PARD3: variants seen among roughly 807,000 people sequenced by gnomAD.
The protein encoded by PARD3 is par-3 family cell polarity regulator, also known as partitioning defective 3 homolog.
Under a neutral mutation model 155.4 loss-of-function variants are expected in PARD3, and 75 were observed. The observed-to-expected ratio is 0.48, with a 90% confidence interval of 0.40 to 0.58. PARD3 has a LOEUF of 0.58. Ranked by LOEUF, PARD3 falls within the 20% of genes least tolerant of loss-of-function variation. The probability of loss-of-function intolerance (pLI) is 0.00; values close to 1 mark genes in which losing one functional copy is unlikely to be tolerated. For synonymous variants in PARD3, 576 were observed against 610.5 expected, an observed-to-expected ratio of 0.94 and a Z score of 0.83; for missense variants, 1,642 against 1,721.7, an observed-to-expected ratio of 0.95 and a Z score of 0.82.
intron 1 of PARD3, among the ~76,000 whole-genome samples, chr10:34,698,473 G>C (rs1361448541): frequency 6.6e-6 from 1 of 152,126 alleles, no homozygotes; most frequent in Non-Finnish European, 1.5e-5. Flanking sequence ...GACTTCTCAG[G>C]CATCCTCTTC....
intron 2 of PARD3, among the ~76,000 whole-genome samples, chr10:34,665,569 G>T (rs1055773140): frequency 6.6e-6 from 1 of 151,584 alleles, no homozygotes; most frequent in Non-Finnish European, 1.5e-5. Flanking sequence ...GGCCTGGCAC[G>T]GTGCTCACAC....
chr10:34,786,865 T>A (rs12763418), intron 1 of PARD3, among the ~76,000 whole-genome samples: 1 of 152,028 alleles, frequency 6.6e-6, no homozygotes, highest in Non-Finnish European at 1.5e-5. Context: ...AAAAATGGCA[T>A]GCAGAGTTCA....
chr10:34,410,920 G>A (rs1205829718), intron 5 of PARD3, among the ~76,000 whole-genome samples: 1 of 152,180 alleles, frequency 6.6e-6, no homozygotes, highest in Non-Finnish European at 1.5e-5. Context: ...ATCCATCTGG[G>A]CCCAAGGGCA....
chr10:34,166,542 T>C (rs1272511458), intron 22 of PARD3, among the ~76,000 whole-genome samples: 1 of 151,862 alleles, frequency 6.6e-6, no homozygotes, highest in Non-Finnish European at 1.5e-5. Context: ...GCAGGCGGAA[T>C]TGCTTGAGTC....
intron 2 of PARD3, among the ~76,000 whole-genome samples, chr10:34,597,043 C>T (rs1369661306): frequency 1.3e-5 from 2 of 152,080 alleles, no homozygotes. Context: ...GTTCTAGGCT[C>T]CTATCAGAAT....
At chr10:34,765,869 T>C (rs1394939241) in intron 1 of PARD3, among the ~76,000 whole-genome samples, 1 of 152,156 alleles carries the variant, frequency 6.6e-6, no homozygotes, top group Non-Finnish European at 1.5e-5. Flanking sequence ...GTGATCCTCA[T>C]TCAATCCTAA....
chr10:34,807,506 C>T (rs528752556), intron 1 of PARD3, among the ~76,000 whole-genome samples: 68 of 152,314 alleles, frequency 4.5e-4, no homozygotes, highest in African/African-American at 1.5e-3. Context: ...CATACCCATT[C>T]ACAGTCTCCA....
intron 5 of PARD3, among the ~76,000 whole-genome samples, chr10:34,429,269 A>G (rs2132512591): frequency 6.6e-6 from 1 of 152,178 alleles, no homozygotes; most frequent in South Asian, 2.1e-4. Flanking sequence ...TTGTATATAT[A>G]TATTATATAG....
chr10:34,792,001 T>C (rs1277543166), intron 1 of PARD3, among the ~76,000 whole-genome samples: 1 of 151,862 alleles, frequency 6.6e-6, no homozygotes, highest in Non-Finnish European at 1.5e-5. Flanking sequence ...CACTCCAATC[T>C]CTCCTGAGCC....
In PARD3 at chr10:34,738,113, T is replaced by G. The variant is rs893492774; in HGVS notation, c.121-41694A>C. 2.6e-5 allele frequency among the ~76,000 whole-genome samples: 4 copies of G among 152,208 alleles called. 1 individual carries two copies. The South Asian group carries it at 8.3e-4, about 32-fold the overall frequency. On this transcript the variant is annotated intron_variant, in intron 1 of 24. Transcript: ENST00000374788. ...ATTCTTTCTCTGTCTTTAAAGCCAA[T>G]TTTAACCTACGAAGAAATACAACCT...
intron 22 of PARD3, among the ~76,000 whole-genome samples, chr10:34,145,665 T>A (rs2132911910): frequency 6.6e-6 from 1 of 152,280 alleles, no homozygotes; most frequent in Middle Eastern, 3.4e-3. Context: ...GGTTTTAACA[T>A]CATTTCTATT....
At chr10:34,204,307 G>C (rs1951360301) in intron 22 of PARD3, among the ~76,000 whole-genome samples, 2 of 152,196 alleles carry the variant, frequency 1.3e-5, no homozygotes, top group Non-Finnish European at 2.9e-5. Context: ...TTACATAAAG[G>C]AAAGAGAGTC....
At chr10:34,433,047 G>A (rs1382589308) in intron 5 of PARD3, among the ~76,000 whole-genome samples, 1 of 152,084 alleles carries the variant, frequency 6.6e-6, no homozygotes, top group Non-Finnish European at 1.5e-5. Flanking sequence ...GTACCTTAAA[G>A]TACATTTAAA....
chr10:34,671,950 G>C (rs1310606752), intron 2 of PARD3, among the ~76,000 whole-genome samples: 1 of 152,042 alleles, frequency 6.6e-6, no homozygotes, highest in Non-Finnish European at 1.5e-5. Flanking sequence ...CAAGGTGTGA[G>C]GATTGCTGGA....
At chr10:34,684,870 C>T (rs11009871) in intron 2 of PARD3, among the ~76,000 whole-genome samples, 2 of 97,334 alleles carry the variant, frequency 2.1e-5, no homozygotes, top group African/African-American at 7.8e-5. Flanking sequence ...TATATATATA[C>T]ACACACATAC....
At chr10:34,372,605 G>T in intron 11 of PARD3, 69 bp from the exon 12 acceptor site, 3 of 1,098,846 alleles carry the variant, frequency 2.7e-6, no homozygotes, top group Non-Finnish European at 4.1e-6. Flanking sequence ...GGGACACAAT[G>T]ATTTATTTTA....
At chr10:34,218,658 G>A (rs1182622771) in intron 22 of PARD3, among the ~76,000 whole-genome samples, 10 of 151,974 alleles carry the variant, frequency 6.6e-5, no homozygotes, top group Admixed American at 6.6e-4. Context: ...AAAGAAGGTC[G>A]TGACAGCAAT....
chr10:34,591,971 C>G (rs572730078), intron 2 of PARD3, among the ~76,000 whole-genome samples: 1 of 152,150 alleles, frequency 6.6e-6, no homozygotes, highest in East Asian at 1.9e-4. Flanking sequence ...AGATTAGCAA[C>G]GACTTGAAAC....
intron 22 of PARD3, among the ~76,000 whole-genome samples, chr10:34,142,519 A>G (rs1307265137): frequency 6.6e-6 from 1 of 151,754 alleles, no homozygotes; most frequent in Non-Finnish European, 1.5e-5. Context: ...TGGGTGAAAG[A>G]CCGAGACTCT....
Sources: allele counts gnomAD v4.1 joint callset (sites outside exome capture counted in the v4.1 genomes callset), GRCh38; gene constraint gnomAD v4.1.1; transcripts MANE v1.5; gene names NCBI Gene and HGNC (gene_info 2026-07-23, HGNC 2026-07-21).